Variants in DNAH9 observed in about 807,000 individuals in gnomAD.
DNAH9 encodes the protein dynein axonemal heavy chain 9.
DNAH9 carries 345 observed loss-of-function variants against 471.6 expected under a neutral mutation model. The observed-to-expected ratio is 0.73, with a 90% CI of 0.67 to 0.80. The LOEUF (loss-of-function observed/expected upper bound fraction) is 0.80. Among genes scored for constraint, DNAH9 ranks in the 30% least tolerant of loss-of-function variants. The pLI is 0.00. For missense variants in DNAH9, 5,407 were observed against 5,609.2 expected (o/e 0.96, Z 1.15); for synonymous variants, 2,093 against 2,123.6 (o/e 0.99, Z 0.40).
At chr17:11,786,633 G>T (rs1281819210) in intron 41 of DNAH9, among the ~76,000 whole-genome samples, 1 of 152,210 alleles carries the variant, frequency 6.6e-6, no homozygotes, top group African/African-American at 2.4e-5. Context: ...TCTCTTGAGC[G>T]TGACTGCATG....
intron 25 of DNAH9, 79 bp downstream of exon 25, chr17:11,704,521 G>T: frequency 2.0e-6 from 3 of 1,515,836 alleles, no homozygotes; most frequent in Non-Finnish European, 2.7e-6. Flanking sequence ...AAATATGGGG[G>T]CCCCAGGGTC....
intron 52 of DNAH9, among the ~76,000 whole-genome samples, chr17:11,873,933 A>G (rs1488981099): frequency 6.6e-6 from 1 of 152,168 alleles, no homozygotes; most frequent in Non-Finnish European, 1.5e-5. Context: ...GTCATCAATG[A>G]AAAAGATTGC....
intron 1 of DNAH9, among the ~76,000 whole-genome samples, chr17:11,607,835 G>A: frequency 6.6e-6 from 1 of 152,130 alleles, no homozygotes. Flanking sequence ...CTCCCAAAGT[G>A]CTAGGATTAC....
intron 13 of DNAH9, among the ~76,000 whole-genome samples, 175 bp from the exon 14 acceptor site, chr17:11,652,579 CCGGCCAG>C (rs1416820786): frequency 6.6e-6 from 1 of 152,100 alleles, no homozygotes; most frequent in East Asian, 1.9e-4. Flanking sequence ...CCCACCGTGC[CCGGCCAG>C]GGTTGGCTTT....
In DNAH9 at chr17:11,942,416, G is replaced by T; in HGVS notation, c.12774G>T (p.Glu4258Asp). Residue 4258 changes from glutamate (E) to aspartate (D), a missense_variant, in exon 67 of 69, where the codon GAG becomes GAT. This residue lies in a region of DNAH9 where 4,636 missense variants were observed against 4,900.3 expected (regional missense o/e 0.95). Transcript: ENST00000262442. ...RTPYIVVAFQ[E>D]CGRMNILTRE... ...CTTACATTGTAGTTGCCTTCCAGGA[G>T]TGTGGCCGGATGAATATCCTCACCA... is the stretch of plus-strand genomic sequence containing the variant. The T allele has an allele frequency of 3.1e-6, 5 of 1,614,196 alleles. No homozygotes were observed. The highest frequency in any genetic ancestry group is 4.2e-6 in the Non-Finnish European group (5 of 1,180,034).
rs1472338767 is a variant in DNAH9 at position 11,814,705 on chromosome 17, A to G, written c.8707+4336A>G. On this transcript the variant is annotated intron_variant, in intron 45 of 68. Coordinates refer to ENST00000262442, the MANE Select transcript of DNAH9 (RefSeq NM_001372.4). ...CTCTAAACCAAACTGTTCTTTTTATATATCTGTGGGCCAAATCTCCTCTTA... is the reference window on the plus strand; with the variant it reads ...CTCTAAACCAAACTGTTCTTTTTATGTATCTGTGGGCCAAATCTCCTCTTA... Among the ~76,000 whole-genome samples, 7 of 152,260 alleles carry G rather than the reference A, an allele frequency of 4.6e-5. 1 individual carries two copies. The East Asian group carries it at 7.7e-4, about 17-fold the overall frequency.
intron 5 of DNAH9, among the ~76,000 whole-genome samples, chr17:11,618,315 C>T (rs537233685): frequency 5.3e-5 from 8 of 152,192 alleles, no homozygotes; most frequent in South Asian, 2.1e-4. Context: ...GGGCCGGGCG[C>T]GGTGGCTCAC....
rs565656485 is a variant in DNAH9 at position 11,622,155 on chromosome 17, C to T, written c.1350+2374C>T. Reference sequence around the variant, plus strand: ...AAGAGGGGTCTCTAGCCCAGTAGGACTTTGACAAAAAGTGGGAACACAAGA... The same window carrying T: ...AAGAGGGGTCTCTAGCCCAGTAGGATTTTGACAAAAAGTGGGAACACAAGA... On this transcript the variant is annotated intron_variant, in intron 6 of 68. Transcript: ENST00000262442. Among the ~76,000 whole-genome samples, 12 of 151,224 alleles carry T rather than the reference C, an allele frequency of 7.9e-5. No homozygotes were observed. In the South Asian group the frequency reaches 1.9e-3, roughly 24 times the overall value.
At chr17:11,763,336 G>A (rs751489794) in intron 35 of DNAH9, 104 bp from the exon 36 acceptor site, 235 of 980,248 alleles carry the variant, frequency 2.4e-4, no homozygotes, top group Non-Finnish European at 2.1e-4. Context: ...AGAACTTGAC[G>A]GACCATGAGT....
rs141176709 is a variant in DNAH9 at position 11,871,723 on chromosome 17, C to T, written c.10179C>T (p.Phe3393=). 8 of 1,614,086 alleles carry T rather than the reference C, an allele frequency of 5.0e-6. No homozygotes were observed. In the African/African-American group the frequency reaches 1.1e-4, roughly 22 times the overall value. The part of the protein sequence containing the change: ...ITAFISYLGF[F]TKKYRQSLLD... ...CTTTCATTTCCTACCTTGGCTTCTTCACAAAGAAATACCGGCAGAGCCTCC... is the reference window on the plus strand; with the variant it reads ...CTTTCATTTCCTACCTTGGCTTCTTTACAAAGAAATACCGGCAGAGCCTCC... Residue 3393 remains phenylalanine, a synonymous_variant, in exon 52 of 69, where the codon TTC becomes TTT. Coordinates refer to ENST00000262442, the MANE Select transcript of DNAH9 (RefSeq NM_001372.4).
chr17:11,647,225 T>C (rs371405394), intron 12 of DNAH9, 27 bp downstream of exon 12: 11 of 1,608,316 alleles, frequency 6.8e-6, no homozygotes, highest in Non-Finnish European at 9.4e-6. Flanking sequence ...TAGCTCTCTT[T>C]TGGGTTCCTG....
intron 22 of DNAH9, among the ~76,000 whole-genome samples, chr17:11,695,185 G>A (rs1455650602): frequency 2.6e-5 from 4 of 151,586 alleles, no homozygotes; most frequent in Admixed American, 1.3e-4. Flanking sequence ...ACTGCACCCG[G>A]CCACCTCGGA....
intron 50 of DNAH9, among the ~76,000 whole-genome samples, chr17:11,858,355 C>A (rs539695325): frequency 6.6e-6 from 1 of 152,182 alleles, no homozygotes; most frequent in African/African-American, 2.4e-5. Context: ...TCCAGTTGGC[C>A]CACGCAGTCT....
In DNAH9 at chr17:11,721,269, G is replaced by GT. The variant is rs558464733; in HGVS notation, c.5709+1786dup. Among the ~76,000 whole-genome samples the GT allele has an allele frequency of 5.9e-4, 89 of 151,896 alleles. 2 individuals carry two copies. The South Asian group carries it at 0.015, about 25-fold the overall frequency. On this transcript the variant is annotated intron_variant, in intron 27 of 68. Transcript: ENST00000262442. ...GAGTCTATCTTTGTTTTTTTTGTTT[G>GT]TTTTTTTGTTTTGTTTTTTGTTTTT...
At chr17:11,889,945 G>A (rs903894201) in intron 57 of DNAH9, among the ~76,000 whole-genome samples, 16 of 152,180 alleles carry the variant, frequency 1.1e-4, no homozygotes, top group Admixed American at 7.2e-4. Flanking sequence ...GAGCTGTTCC[G>A]ACACCAGAAG....
chr17:11,950,519 C>T (rs1369351860), intron 67 of DNAH9, among the ~76,000 whole-genome samples: 1 of 152,124 alleles, frequency 6.6e-6, no homozygotes, highest in Admixed American at 6.6e-5. Context: ...GTGCACACAA[C>T]CACACCCGAC....
At chr17:11,728,568 C>T (rs955529261) in intron 28 of DNAH9, among the ~76,000 whole-genome samples, 15 of 149,258 alleles carry the variant, frequency 1.0e-4, no homozygotes, top group East Asian at 7.9e-4. Flanking sequence ...TTGAGATAGA[C>T]GTGAGTACTT....
intron 66 of DNAH9, among the ~76,000 whole-genome samples, chr17:11,941,949 CTT>C (rs1974933607): frequency 6.6e-6 from 1 of 152,236 alleles, no homozygotes; most frequent in East Asian, 1.9e-4. Flanking sequence ...CAGGGGCCAC[CTT>C]TTGGCCCAAG....
intron 7 of DNAH9, 61 bp from the exon 8 acceptor site, chr17:11,632,526 C>A: frequency 1.3e-6 from 1 of 789,074 alleles, no homozygotes; most frequent in Non-Finnish European, 2.3e-6. Flanking sequence ...CTGTGAGGAG[C>A]ATAGTGGGGT....
Sources: gnomAD v4.1 joint callset for allele counts (sites outside exome capture counted in the v4.1 genomes callset) on GRCh38, gnomAD v4.1.1 for gene constraint, gnomAD v4.1.1 regional missense constraint, MANE v1.5 for transcripts, NCBI Gene and HGNC (gene_info 2026-07-23, HGNC 2026-07-21) for gene names.